The following MYO5B variants were observed in gnomAD, a reference collection of about 807,000 sequenced individuals.
MYO5B encodes unconventional myosin-Vb.
Under a neutral mutation model 229.3 loss-of-function variants are expected in MYO5B, and 143 were observed. The ratio of observed to expected loss-of-function variants is 0.62; its 90% CI spans 0.54 to 0.72. The LOEUF (loss-of-function observed/expected upper bound fraction) is 0.72. Ranked by LOEUF, MYO5B falls within the 30% of genes least tolerant of loss-of-function variation. The probability of loss-of-function intolerance (pLI) is 0.00; values close to 1 mark genes in which losing one functional copy is unlikely to be tolerated. For synonymous variants in MYO5B, 918 were observed against 885.2 expected (o/e 1.04, Z -0.66); for missense variants, 2,321 against 2,331.0 (o/e 1.00, Z 0.09).
At position 49,864,215 on chromosome 18, in the gene MYO5B, G is replaced by A; in HGVS notation, c.3769C>T (p.Arg1257Cys). Residue 1257 changes from arginine (R) to cysteine (C), a missense_variant, in exon 28 of 40, where the codon CGC becomes TGC. By Grantham distance (180) the Arg-to-Cys change is radical. Around this residue, in one of 2 missense-constraint regions of MYO5B, gnomAD observed 2,113 missense variants for 2,044.7 expected, o/e 1.03. Transcript: ENST00000285039. ...LKLAHEELEV[R>C]KEEVLILRTQ... Reference sequence around the variant, plus strand: ...CTGAGGATGAGCACCTCCTCCTTGCGCACCTCGAGCTCCTCGTGGGCCAGC... The same window carrying A: ...CTGAGGATGAGCACCTCCTCCTTGCACACCTCGAGCTCCTCGTGGGCCAGC... 6.2e-7 allele frequency: 1 copy of A among 1,613,794 alleles called. No homozygotes were observed. The highest frequency in any genetic ancestry group is 8.5e-7 in the Non-Finnish European group (1 of 1,180,042).
intron 18 of MYO5B, among the ~76,000 whole-genome samples, chr18:49,907,494 A>G (rs1285001060): frequency 6.6e-6 from 1 of 152,216 alleles, no homozygotes; most frequent in East Asian, 1.9e-4. Flanking sequence ...AGCCTGGGAC[A>G]GAGCACTGGG....
intron 30 of MYO5B, among the ~76,000 whole-genome samples, chr18:49,855,352 G>C (rs891088994): frequency 6.6e-6 from 1 of 152,166 alleles, no homozygotes; most frequent in South Asian, 2.1e-4. Flanking sequence ...TTGAGGCCAC[G>C]ACCAGTGGCA....
chr18:50,005,959 G>A (rs1454334453), intron 4 of MYO5B, among the ~76,000 whole-genome samples: 2 of 152,160 alleles, frequency 1.3e-5, no homozygotes, highest in Non-Finnish European at 2.9e-5. Context: ...TACTTGCTTT[G>A]TCCTCCTTTT....
intron 14 of MYO5B, among the ~76,000 whole-genome samples, chr18:49,938,112 G>A (rs1329884022): frequency 1.3e-5 from 2 of 152,176 alleles, no homozygotes; most frequent in Non-Finnish European, 2.9e-5. Context: ...GTGGTAGGAG[G>A]TGGCTATGCT....
chr18:50,007,359 C>G (rs1303971308), intron 4 of MYO5B, among the ~76,000 whole-genome samples: 1 of 152,178 alleles, frequency 6.6e-6, no homozygotes, highest in African/African-American at 2.4e-5. Context: ...GTTTCCTTCT[C>G]TGTACCTTTT....
In MYO5B at chr18:49,984,723, A is replaced by T. The variant is rs2144300091; in HGVS notation, c.941T>A (p.Leu314His). The T allele has an allele frequency of 3.1e-6, 5 of 1,606,902 alleles. No individual in the cohort carries two copies. Among genetic ancestry groups the T allele is most frequent in the Non-Finnish European group, 4.3e-6 (5 of 1,173,396 alleles). ...DFEKTRQAFTLLGVKESHQMS... is the reference protein window; with the variant it reads ...DFEKTRQAFTHLGVKESHQMS... ...CCAACTAAGAAGCTCCTTACCGAGG[A>T]GTGTGAAGGCTTGTCGAGTCTTCTC... The change falls in exon 8 of 40, where the codon CTC becomes CAC. Residue 314 changes from leucine (L) to histidine (H), a missense_variant. Transcript: ENST00000285039.
At chr18:49,941,678 C>T (rs1375194308) in intron 14 of MYO5B, among the ~76,000 whole-genome samples, 5 of 151,314 alleles carry the variant, frequency 3.3e-5, no homozygotes, top group East Asian at 1.9e-4. Flanking sequence ...TCCTCCCTCT[C>T]GATACAAACA....
At chr18:49,865,964 C>G (rs529758515) in intron 27 of MYO5B, among the ~76,000 whole-genome samples, 7 of 152,234 alleles carry the variant, frequency 4.6e-5, no homozygotes, top group Admixed American at 3.3e-4. Flanking sequence ...TCTCCTCCCC[C>G]ACAGGTTCAC....
chr18:50,108,624 CTA>C (rs1014250651), intron 1 of MYO5B, among the ~76,000 whole-genome samples: 2 of 152,046 alleles, frequency 1.3e-5, no homozygotes, highest in Admixed American at 1.3e-4. Flanking sequence ...GAACAGGAAA[CTA>C]TGCAGATGGA....
chr18:49,862,680 AG>A (rs1399534850), intron 29 of MYO5B, among the ~76,000 whole-genome samples: 2 of 152,108 alleles, frequency 1.3e-5, no homozygotes, highest in Admixed American at 1.3e-4. Flanking sequence ...CTTATTTTCG[AG>A]GGGACAGTGG....
At chr18:49,986,012 T>C (rs1246365656) in intron 7 of MYO5B, among the ~76,000 whole-genome samples, 2 of 152,174 alleles carry the variant, frequency 1.3e-5, no homozygotes, top group Non-Finnish European at 2.9e-5. Flanking sequence ...ACCTCGAAAA[T>C]GCTAGTATGT....
intron 1 of MYO5B, among the ~76,000 whole-genome samples, chr18:50,072,540 T>A (rs939839239): frequency 6.6e-6 from 1 of 152,208 alleles, no homozygotes; most frequent in African/African-American, 2.4e-5. Flanking sequence ...CTCAGTTTCC[T>A]CATTTGTAGG....
At chr18:50,082,779 G>A (rs1214098682) in intron 1 of MYO5B, among the ~76,000 whole-genome samples, 4 of 152,176 alleles carry the variant, frequency 2.6e-5, no homozygotes, top group Non-Finnish European at 4.4e-5. Context: ...CAAATTTGAG[G>A]AAGAAAACAG....
chr18:50,151,725 G>A (rs2032601577), intron 1 of MYO5B, among the ~76,000 whole-genome samples: 1 of 152,072 alleles, frequency 6.6e-6, no homozygotes, highest in Admixed American at 6.6e-5. Context: ...ACACAGCTAG[G>A]ATTGTATTGT....
At chr18:49,853,332 C>T in intron 31 of MYO5B, 117 bp downstream of exon 31, 1 of 1,007,864 alleles carries the variant, frequency 9.9e-7, no homozygotes, top group Non-Finnish European at 1.5e-6. Flanking sequence ...AATCTCTGTT[C>T]CTACTATAGG....
chr18:49,944,585 A>G (rs2025350442), intron 14 of MYO5B, among the ~76,000 whole-genome samples: 2 of 152,056 alleles, frequency 1.3e-5, no homozygotes, highest in African/African-American at 4.8e-5. Context: ...CGTGTGGCCC[A>G]TGGCAAACCT....
intron 4 of MYO5B, among the ~76,000 whole-genome samples, chr18:50,020,544 C>A (rs575119560): frequency 2.6e-5 from 4 of 152,232 alleles, no homozygotes; most frequent in Non-Finnish European, 5.9e-5. Context: ...AACCTCCCTG[C>A]CTACAGGTTC....
At chr18:49,879,263 A>G (rs1217869598) in intron 23 of MYO5B, 173 bp from the exon 24 acceptor site, 1 of 737,092 alleles carries the variant, frequency 1.4e-6, no homozygotes, top group East Asian at 2.7e-5. Flanking sequence ...GAGTCTCATT[A>G]CTCTGGCTTA....
intron 32 of MYO5B, among the ~76,000 whole-genome samples, chr18:49,848,362 G>A (rs2024157060): frequency 6.6e-6 from 1 of 152,168 alleles, no homozygotes; most frequent in South Asian, 2.1e-4. Context: ...GTGGGATGAA[G>A]GGCGGGTGGG....
Sources: gnomAD v4.1 joint callset for allele counts (sites outside exome capture counted in the v4.1 genomes callset) on GRCh38, gnomAD v4.1.1 for gene constraint, gnomAD v4.1.1 regional missense constraint, MANE v1.5 for transcripts, NCBI Gene and HGNC (gene_info 2026-07-23, HGNC 2026-07-21) for gene names.